MICAL3: variants seen among roughly 807,000 people sequenced by gnomAD.
The protein encoded by MICAL3 is microtubule associated monooxygenase, calponin and LIM domain containing 3.
A neutral mutation model predicts 207.4 loss-of-function variants in MICAL3; 62 were observed. That is an observed-to-expected ratio of 0.30 (90% CI 0.24 to 0.37). MICAL3 has a LOEUF of 0.37. Among genes scored for constraint, MICAL3 ranks in the 10% least tolerant of loss-of-function variants. The pLI is 1.00. For synonymous variants in MICAL3, 1,077 were observed against 1,069.3 expected (o/e 1.01, Z -0.14); for missense variants, 2,368 against 2,635.6 (o/e 0.90, Z 2.22).
chr22:17,835,511 C>T (rs758762467), intron 20 of MICAL3, among the ~76,000 whole-genome samples: 11 of 151,232 alleles, frequency 7.3e-5, no homozygotes, highest in South Asian at 2.1e-4. Context: ...TTCAGTACCT[C>T]GAGGCTCCCA....
Position 18,024,264 on chromosome 22 carries a change from G to A in MICAL3, c.-75+17C>T, listed in dbSNP as rs1867357. The A allele has an allele frequency of 0.22, 33,323 of 152,252 alleles. 5,263 individuals are homozygous for A. The highest frequency in any genetic ancestry group is 0.44 in the African/African-American group (18,123 of 41,518). 9.4% of individuals were successfully genotyped at this position (152,252 alleles called of 1,614,324 possible). ...ATTTAGATTCGCTCGCCCACAGGGG[G>A]ACTGGAGGGTACTCACCGACTAGGG... On this transcript the variant is annotated intron_variant, in intron 1 of 31. Transcript: ENST00000441493.
rs865997157 is a variant in MICAL3, at chr22:17,812,448, G to A, written c.5446-1635C>T. The A allele has an allele frequency of 1.6e-4, 145 of 920,084 alleles. No individual in the cohort carries two copies. The African/African-American group carries it at 1.8e-3, about 11-fold the overall frequency. 57.0% of individuals were successfully genotyped at this position (920,084 alleles called of 1,614,324 possible). On this transcript the variant is annotated intron_variant, in intron 27 of 31. Transcript: ENST00000441493. ...TGGCTGGAGGGCCGGGGCCGGCGCC[G>A]GGTGGTTAATCACAGACATGCATGC...
chr22:17,972,037 C>G (rs1457256703), intron 1 of MICAL3, among the ~76,000 whole-genome samples: 1 of 152,240 alleles, frequency 6.6e-6, no homozygotes, highest in Non-Finnish European at 1.5e-5. Context: ...AAGGACCTTG[C>G]TTTTTCCTAC....
intron 29 of MICAL3, among the ~76,000 whole-genome samples, chr22:17,792,114 G>A (rs2145946314): frequency 6.6e-6 from 1 of 152,334 alleles, no homozygotes; most frequent in Admixed American, 6.5e-5. Flanking sequence ...GGGCTTCACT[G>A]TGGCAGGAGG....
At chr22:17,809,032 T>C (rs2062016156) in intron 28 of MICAL3, 95 bp from the exon 29 acceptor site, 1 of 1,089,150 alleles carries the variant, frequency 9.2e-7, no homozygotes, top group Non-Finnish European at 1.3e-6. Flanking sequence ...ACACAGGAGT[T>C]GCCGCTCTGG....
At chr22:17,942,182 C>T (rs915457549) in intron 1 of MICAL3, among the ~76,000 whole-genome samples, 4 of 152,204 alleles carry the variant, frequency 2.6e-5, no homozygotes, top group Non-Finnish European at 4.4e-5. Context: ...AAAGATAGCC[C>T]GGTGATTGTA....
chr22:17,834,327 C>T, intron 20 of MICAL3: 1 of 1,197,376 alleles, frequency 8.4e-7, no homozygotes, highest in South Asian at 1.5e-5. Context: ...ATCAGCTTCA[C>T]TTGTTCATTT....
intron 1 of MICAL3, among the ~76,000 whole-genome samples, chr22:17,931,077 G>A (rs1230863271): frequency 2.0e-5 from 3 of 152,116 alleles, no homozygotes; most frequent in Admixed American, 6.5e-5. Flanking sequence ...TGCTTCAGGC[G>A]ACCAGTGAGT....
At chr22:17,827,936 C>T (rs921976007) in intron 21 of MICAL3, among the ~76,000 whole-genome samples, 155 bp from the exon 22 acceptor site, 3 of 150,058 alleles carry the variant, frequency 2.0e-5, no homozygotes, top group Non-Finnish European at 3.0e-5. Context: ...CACATGTATA[C>T]ACACACACAC....
At position 17,895,331 on chromosome 22, in the gene MICAL3, C is replaced by G; in HGVS notation, c.1402G>C (p.Val468Leu). 6.2e-7 allele frequency: 1 copy of G among 1,613,840 alleles called. No homozygotes were observed. Among genetic ancestry groups the G allele is most frequent in the Non-Finnish European group, 8.5e-7 (1 of 1,179,840 alleles). ...ACGTTGATATTGGGATACCGAGTGA[C>G]AGGGTCGATACTGTACTGGCTGAAG... ...KNFSQYSIDPVTRYPNINVNF... is the reference protein window; with the variant it reads ...KNFSQYSIDPLTRYPNINVNF... The change falls in exon 10 of 32, where the codon GTC becomes CTC. Residue 468 changes from valine to leucine, a missense_variant. Coordinates refer to ENST00000441493, the MANE Select transcript of MICAL3 (RefSeq NM_015241.3).
rs1165712256 is a variant in MICAL3 at position 17,902,052 on chromosome 22, C to T, written c.590-73G>A. ...CACAGCCAGGACCATCTCTAGATAC[C>T]CAGTCATGTGAACTGCACAAAACCC... On this transcript the variant is annotated intron_variant, in intron 4 of 31. Transcript: ENST00000441493. The surrounding 1 kb of genome is among the most constrained non-coding windows in gnomAD (Gnocchi z 4.5). 1.6e-5 allele frequency: 17 copies of T among 1,078,228 alleles called. No homozygotes were observed. Among genetic ancestry groups the T allele is most frequent in the Non-Finnish European group, 2.2e-5 (16 of 728,376 alleles). 66.8% of individuals were successfully genotyped at this position (1,078,228 alleles called of 1,614,324 possible). A position where few individuals can be genotyped will look rare whatever the true frequency, so the allele number is the denominator to read the frequency against.
intron 1 of MICAL3, among the ~76,000 whole-genome samples, chr22:17,963,482 G>C (rs1314094444): frequency 6.6e-6 from 1 of 152,018 alleles, no homozygotes; most frequent in African/African-American, 2.4e-5. Context: ...AAGCACTGAC[G>C]CAGGAGAGCT....
At chr22:17,877,018 TGGAGGTTATGGAGGTTAG>T (rs1569109685) in intron 16 of MICAL3, 2,409 of 7,564 alleles carry the variant, frequency 0.32, 97 homozygotes, top group South Asian at 0.36. Context: ...ATGGAGGTTA[TGGAGGTTATGGAGGTTAG>T]GGAGGTTATG....
At chr22:17,794,828 G>A (rs968819817) in intron 29 of MICAL3, among the ~76,000 whole-genome samples, 2 of 152,186 alleles carry the variant, frequency 1.3e-5, no homozygotes, top group Non-Finnish European at 2.9e-5. Context: ...ACTCAAGGAC[G>A]AGGGAGAGGA....
chr22:17,927,185 GTCTC>G (rs1421869100), intron 1 of MICAL3, among the ~76,000 whole-genome samples: 1 of 152,070 alleles, frequency 6.6e-6, no homozygotes, highest in Non-Finnish European at 1.5e-5. Context: ...TCATGTATTT[GTCTC>G]TCTGTGTCTG....
At chr22:17,936,116 C>T (rs1467460407) in intron 1 of MICAL3, among the ~76,000 whole-genome samples, 1 of 152,162 alleles carries the variant, frequency 6.6e-6, no homozygotes, top group African/African-American at 2.4e-5. Flanking sequence ...ACTATAAAGA[C>T]ACATGCACAC....
intron 12 of MICAL3, 94 bp from the exon 13 acceptor site, chr22:17,889,324 CA>C (rs1930205609): frequency 1.1e-6 from 1 of 923,292 alleles, no homozygotes. Context: ...TCTCTGTTTT[CA>C]GCTAAAATCC....
chr22:17,988,748 G>A (rs980952396), intron 1 of MICAL3, among the ~76,000 whole-genome samples: 7 of 152,186 alleles, frequency 4.6e-5, no homozygotes, highest in African/African-American at 1.7e-4. Flanking sequence ...GAGCCACCGC[G>A]CCTGGCCTGG....
intron 16 of MICAL3, chr22:17,872,712 G>C (rs1169137187): frequency 7.8e-7 from 1 of 1,281,446 alleles, no homozygotes; most frequent in Non-Finnish European, 1.1e-6. Context: ...GGCTGTGCTG[G>C]GTCTAGCTAC....
Sources: allele counts gnomAD v4.1 joint callset (sites outside exome capture counted in the v4.1 genomes callset), GRCh38; gene constraint gnomAD v4.1.1; non-coding constraint Gnocchi (gnomAD v3.1); transcripts MANE v1.5; gene names NCBI Gene and HGNC (gene_info 2026-07-23, HGNC 2026-07-21).